LAMA3: variants seen among roughly 807,000 people sequenced by gnomAD.
The protein encoded by LAMA3 is laminin subunit alpha-3.
Under a neutral mutation model 402.0 loss-of-function variants are expected in LAMA3, and 281 were observed. The observed-to-expected ratio is 0.70, with a 90% CI of 0.63 to 0.77. The LOEUF (loss-of-function observed/expected upper bound fraction) is 0.77. Ranked by LOEUF, LAMA3 falls within the 30% of genes least tolerant of loss-of-function variation. The pLI, the probability that LAMA3 is intolerant of heterozygous loss-of-function variation, is 0.00. For missense variants in LAMA3, 3,840 were observed against 4,215.5 expected (o/e 0.91, Z 2.47); for synonymous variants, 1,431 against 1,558.4 (o/e 0.92, Z 1.93).
At chr18:23,837,405 G>A (rs1180750657) in intron 25 of LAMA3, 1 of 278,400 alleles carries the variant, frequency 3.6e-6, no homozygotes, top group Admixed American at 5.1e-5. Context: ...ATTATTGCCA[G>A]AGTTTAGAAA....
chr18:23,829,675 T>C (rs2063456500), intron 23 of LAMA3, among the ~76,000 whole-genome samples: 1 of 152,234 alleles, frequency 6.6e-6, no homozygotes, highest in African/African-American at 2.4e-5. Context: ...GTTTCTTATA[T>C]GCATATATAA....
intron 1 of LAMA3, among the ~76,000 whole-genome samples, chr18:23,711,828 A>C (rs2060995704): frequency 6.6e-6 from 1 of 152,246 alleles, no homozygotes; most frequent in African/African-American, 2.4e-5. Context: ...GAAATTGAGA[A>C]TCACTCTAAC....
At chr18:23,766,363 GA>G (rs2062074776) in intron 8 of LAMA3, among the ~76,000 whole-genome samples, 1 of 152,086 alleles carries the variant, frequency 6.6e-6, no homozygotes, top group African/African-American at 2.4e-5. Flanking sequence ...AAAGCAAAAA[GA>G]AAATTGTTTG....
intron 23 of LAMA3, among the ~76,000 whole-genome samples, chr18:23,827,808 A>C (rs2063414335): frequency 6.6e-6 from 1 of 152,182 alleles, no homozygotes; most frequent in African/African-American, 2.4e-5. Flanking sequence ...GACTCAATCT[A>C]GTAAGCGTCC....
chr18:23,767,814 C>A (rs2062108436), intron 8 of LAMA3, among the ~76,000 whole-genome samples: 5 of 151,906 alleles, frequency 3.3e-5, no homozygotes, highest in Admixed American at 3.3e-4. Context: ...CTCAGGTGAC[C>A]CACCCGCTTC....
At chr18:23,740,549 C>G (rs959770202) in intron 2 of LAMA3, among the ~76,000 whole-genome samples, 3 of 152,112 alleles carry the variant, frequency 2.0e-5, no homozygotes, top group Non-Finnish European at 4.4e-5. Context: ...GTGAGACACT[C>G]TCTCTTCTCC....
At chr18:23,911,726 A>C (rs2081430801) in intron 55 of LAMA3, among the ~76,000 whole-genome samples, 1 of 150,058 alleles carries the variant, frequency 6.7e-6, no homozygotes, top group Admixed American at 6.7e-5. Context: ...TATCCAACAG[A>C]AGCAGTTCCT....
At position 23,826,811 on chromosome 18, in the gene LAMA3, G is replaced by A. The variant is rs915181653; in HGVS notation, c.2669+12G>A. ...CCTCCCCAAGAAAAGTCAGTGTGGG[G>A]CAGAAGGTGCAGCCGCATCATTGGG... On this transcript the variant is annotated intron_variant, in intron 22 of 74. Coordinates refer to ENST00000313654, the MANE Select transcript of LAMA3 (RefSeq NM_198129.4). The A allele has an allele frequency of 2.0e-6, 3 of 1,509,086 alleles. No homozygotes were observed. Among genetic ancestry groups the A allele is most frequent in the African/African-American group, 2.8e-5 (2 of 72,556 alleles). The allele number at this position is 1,509,086 out of a possible 1,614,324, so 93.5% of individuals were successfully genotyped here. A position where few individuals can be genotyped will look rare whatever the true frequency, so the allele number is the denominator to read the frequency against.
intron 10 of LAMA3, among the ~76,000 whole-genome samples, chr18:23,777,316 C>T (rs2062343378): frequency 6.6e-6 from 1 of 151,788 alleles, no homozygotes; most frequent in Non-Finnish European, 1.5e-5. Context: ...TGAGACTTAG[C>T]TATTGTGAGC....
At chr18:23,880,330 G>T (rs1305669658) in intron 39 of LAMA3, among the ~76,000 whole-genome samples, 1 of 152,172 alleles carries the variant, frequency 6.6e-6, no homozygotes, top group Non-Finnish European at 1.5e-5. Flanking sequence ...CCCTCCACAT[G>T]CTCTGAAATA....
chr18:23,865,177 A>G (rs1401285283), intron 36 of LAMA3, among the ~76,000 whole-genome samples: 1 of 152,160 alleles, frequency 6.6e-6, no homozygotes, highest in Admixed American at 6.5e-5. Context: ...TTATCTTTGT[A>G]GAGACAGGGT....
intron 32 of LAMA3, among the ~76,000 whole-genome samples, chr18:23,857,122 CAT>C (rs1217325936): frequency 6.6e-6 from 1 of 152,236 alleles, no homozygotes; most frequent in Non-Finnish European, 1.5e-5. Flanking sequence ...TTCTGTCCCT[CAT>C]AGGTATGAAA....
At chr18:23,840,658 A>G (rs927462578) in intron 27 of LAMA3, among the ~76,000 whole-genome samples, 28 of 152,264 alleles carry the variant, frequency 1.8e-4, no homozygotes, top group African/African-American at 5.5e-4. Flanking sequence ...GTAGGAAATT[A>G]TCCATAAACA....
chr18:23,753,301 C>G (rs2061785407), intron 5 of LAMA3, among the ~76,000 whole-genome samples: 2 of 152,016 alleles, frequency 1.3e-5, no homozygotes, highest in East Asian at 1.9e-4. Flanking sequence ...GTATTTTGCG[C>G]AAAGCAAGTG....
chr18:23,799,819 G>A (rs1012014248), intron 12 of LAMA3, among the ~76,000 whole-genome samples: 1 of 152,190 alleles, frequency 6.6e-6, no homozygotes, highest in Admixed American at 6.5e-5. Flanking sequence ...CCGTAGGTTG[G>A]ACTGGCAGAC....
At chr18:23,860,892 A>C (rs1156920275) in intron 34 of LAMA3, among the ~76,000 whole-genome samples, 2 of 151,864 alleles carry the variant, frequency 1.3e-5, no homozygotes, top group Non-Finnish European at 2.9e-5. Flanking sequence ...AGGTTTCACC[A>C]TGTTGGCCAG....
intron 14 of LAMA3, 98 bp downstream of exon 14, chr18:23,813,201 G>A (rs1013310303): frequency 2.4e-6 from 2 of 829,616 alleles, no homozygotes; most frequent in Admixed American, 1.9e-5. Context: ...ATTAAAATAA[G>A]ACCCAAGGCT....
intron 12 of LAMA3, among the ~76,000 whole-genome samples, chr18:23,785,356 A>G (rs1053104078): frequency 2.0e-5 from 3 of 152,174 alleles, no homozygotes; most frequent in Admixed American, 1.3e-4. Context: ...CAGCCACACT[A>G]AGGAACTGTA....
rs1470185621 is a variant in LAMA3, at chr18:23,750,934, T to A, written c.701T>A (p.Ile234Lys). Reference protein sequence around the residue: ...LENGEVVVSLINGRPGAKNFT... With the variant: ...LENGEVVVSLKNGRPGAKNFT... ...TCATTTTAGGTTGTGGTGTCCTTGATAAACGGTCGTCCAGGTGCAAAAAAT... is the reference window on the plus strand; with the variant it reads ...TCATTTTAGGTTGTGGTGTCCTTGAAAAACGGTCGTCCAGGTGCAAAAAAT... Residue 234 changes from isoleucine (I) to lysine (K), a missense_variant, in exon 5 of 75, where the codon ATA becomes AAA. By Grantham distance (102) the Ile-to-Lys change is moderately radical (BLOSUM62 -3). Around this residue, in one of 3 missense-constraint regions of LAMA3, gnomAD observed 2,109 missense variants for 2,376.0 expected, o/e 0.89. Transcript: ENST00000313654. The A allele has an allele frequency of 6.2e-7, 1 of 1,614,168 alleles. No individual in the cohort carries two copies.
Sources: gnomAD v4.1 joint callset for allele counts (sites outside exome capture counted in the v4.1 genomes callset) on GRCh38, gnomAD v4.1.1 for gene constraint, gnomAD v4.1.1 regional missense constraint, MANE v1.5 for transcripts, NCBI Gene and HGNC (gene_info 2026-07-23, HGNC 2026-07-21) for gene names.